The following SCHIP1 variants were observed in gnomAD, a reference collection of about 807,000 sequenced individuals.
SCHIP1 encodes schwannomin interacting protein 1, also known as schwannomin-interacting protein 1.
SCHIP1 carries 8 observed loss-of-function variants against 29.7 expected under a neutral mutation model. The ratio of observed to expected loss-of-function variants is 0.27; its 90% CI spans 0.16 to 0.49. SCHIP1 has a LOEUF of 0.49. Ranked by LOEUF, SCHIP1 falls within the 20% of genes least tolerant of loss-of-function variation. SCHIP1 has a pLI of 0.99. For synonymous variants in SCHIP1, 76 were observed against 94.9 expected, an observed-to-expected ratio of 0.80 and a Z score of 1.16; for missense variants, 193 against 294.6, an observed-to-expected ratio of 0.66 and a Z score of 2.52.
the SCHIP1 span, among the ~76,000 whole-genome samples, chr3:159,382,537 T>C: frequency 6.6e-6 from 1 of 152,212 alleles, no homozygotes; most frequent in African/African-American, 2.4e-5. Flanking sequence ...TCCCAAGTTT[T>C]GCTATTGTGA....
the SCHIP1 span, among the ~76,000 whole-genome samples, chr3:159,476,122 G>C: frequency 6.6e-5 from 10 of 151,164 alleles, no homozygotes; most frequent in African/African-American, 2.4e-4. Context: ...AGTCACAGGA[G>C]AACAACTATG....
At chr3:159,592,021 G>C in the SCHIP1 span, among the ~76,000 whole-genome samples, 2 of 143,392 alleles carry the variant, frequency 1.4e-5, no homozygotes, top group African/African-American at 5.8e-5. Context: ...GAAAGAAATT[G>C]AGTGTGGATT....
the SCHIP1 span, among the ~76,000 whole-genome samples, chr3:159,489,015 G>A: frequency 2.0e-5 from 3 of 152,124 alleles, no homozygotes; most frequent in African/African-American, 7.2e-5. Context: ...CATAAGTGTT[G>A]AGCTAACGTA....
the SCHIP1 span, among the ~76,000 whole-genome samples, chr3:159,612,881 C>T: frequency 9.2e-4 from 140 of 152,224 alleles, no homozygotes; most frequent in Middle Eastern, 0.01. Context: ...GATTATTTTT[C>T]CCTTATTTAA....
the SCHIP1 span, among the ~76,000 whole-genome samples, chr3:159,529,860 G>A: frequency 1.8e-4 from 28 of 152,204 alleles, no homozygotes; most frequent in Non-Finnish European, 3.2e-4. Context: ...TGAAATATTT[G>A]TCTTTCTGTG....
chr3:159,592,556 T>G, the SCHIP1 span, among the ~76,000 whole-genome samples: 1,116 of 152,010 alleles, frequency 7.3e-3, 8 homozygotes, highest in African/African-American at 0.026. Flanking sequence ...TCCTGCCACC[T>G]TGTCTTTGCA....
the SCHIP1 span, among the ~76,000 whole-genome samples, chr3:159,407,899 T>A: frequency 6.6e-6 from 1 of 151,760 alleles, no homozygotes; most frequent in Non-Finnish European, 1.5e-5. Flanking sequence ...CTAAGAGAAG[T>A]TTTGGCTTTG....
intron 4 of SCHIP1, 74 bp from the exon 6 acceptor site, chr3:159,888,746 G>C: frequency 1.3e-6 from 2 of 1,563,214 alleles, no homozygotes; most frequent in South Asian, 1.2e-5. Flanking sequence ...TCTTTTAAGA[G>C]AAAACTGGGT....
chr3:159,294,136 T>G, the SCHIP1 span, among the ~76,000 whole-genome samples: 346 of 152,316 alleles, frequency 2.3e-3, 3 homozygotes, highest in African/African-American at 8.0e-3. Flanking sequence ...GGAGGTTGGA[T>G]TAGTTGCTCA....
chr3:159,736,895 C>T, the SCHIP1 span, among the ~76,000 whole-genome samples: 60 of 152,208 alleles, frequency 3.9e-4, no homozygotes, highest in East Asian at 7.8e-3. Context: ...CCACCACGCC[C>T]GGCTAATTTT....
the SCHIP1 span, among the ~76,000 whole-genome samples, chr3:159,548,331 T>C: frequency 3.3e-5 from 5 of 152,038 alleles, no homozygotes; most frequent in Admixed American, 1.3e-4. Context: ...CTTGAGTTAG[T>C]TTTGGTAAGT....
At chr3:159,285,556 T>C in the SCHIP1 span, among the ~76,000 whole-genome samples, 1 of 152,142 alleles carries the variant, frequency 6.6e-6, no homozygotes, top group Non-Finnish European at 1.5e-5. Flanking sequence ...TCTTTTGCCT[T>C]GTTTTTGTTT....
intron 2 of SCHIP1, among the ~76,000 whole-genome samples, chr3:159,877,877 A>G (rs1716002762): frequency 6.6e-6 from 1 of 152,238 alleles, no homozygotes; most frequent in Non-Finnish European, 1.5e-5. Context: ...CAATTACGTT[A>G]GAGTCTGTAA....
the SCHIP1 span, among the ~76,000 whole-genome samples, chr3:159,677,200 G>T: frequency 2.6e-5 from 4 of 152,144 alleles, no homozygotes; most frequent in South Asian, 2.1e-4. Flanking sequence ...TTCATTTGAG[G>T]GAATTTGATT....
At chr3:159,486,253 C>G in the SCHIP1 span, among the ~76,000 whole-genome samples, 3 of 152,162 alleles carry the variant, frequency 2.0e-5, no homozygotes, top group African/African-American at 7.2e-5. Flanking sequence ...CCTATTCCCT[C>G]TAAGTAACTG....
chr3:159,626,228 ATC>A, the SCHIP1 span, among the ~76,000 whole-genome samples: 34 of 113,900 alleles, frequency 3.0e-4, no homozygotes, highest in African/African-American at 1.8e-3. Flanking sequence ...ATATATATAT[ATC>A]TAGATATATC....
chr3:159,429,870 G>A, the SCHIP1 span, among the ~76,000 whole-genome samples: 4 of 152,086 alleles, frequency 2.6e-5, no homozygotes, highest in Admixed American at 6.5e-5. Context: ...AGATGGATTC[G>A]TTGTTGGATT....
chr3:159,415,098 C>A, the SCHIP1 span, among the ~76,000 whole-genome samples: 4 of 152,174 alleles, frequency 2.6e-5, no homozygotes, highest in East Asian at 7.7e-4. Context: ...AGCAGCTAAG[C>A]CAAATGAATG....
chr3:159,315,681 A>G, the SCHIP1 span, among the ~76,000 whole-genome samples: 1 of 152,180 alleles, frequency 6.6e-6, no homozygotes, highest in Non-Finnish European at 1.5e-5. Flanking sequence ...AAACTTAAGT[A>G]GAAGGTAAGA....
Sources: allele counts gnomAD v4.1 joint callset (sites outside exome capture counted in the v4.1 genomes callset), GRCh38; gene constraint gnomAD v4.1.1; transcripts MANE v1.5; gene names NCBI Gene and HGNC (gene_info 2026-07-23, HGNC 2026-07-21).